Variants in PPP6R2 observed in about 807,000 individuals in gnomAD.
PPP6R2 encodes the protein serine/threonine-protein phosphatase 6 regulatory subunit 2.
A neutral mutation model predicts 100.2 loss-of-function variants in PPP6R2; 62 were observed. The ratio of observed to expected loss-of-function variants is 0.62; its 90% CI spans 0.50 to 0.76. PPP6R2 has a LOEUF of 0.76. PPP6R2 is among the 30% of genes least tolerant of loss of function. The probability of loss-of-function intolerance (pLI) is 0.00; values close to 1 mark genes in which losing one functional copy is unlikely to be tolerated. For synonymous variants in PPP6R2, 525 were observed against 514.7 expected, an observed-to-expected ratio of 1.02 and a Z score of -0.27; for missense variants, 1,142 against 1,276.3, an observed-to-expected ratio of 0.89 and a Z score of 1.60.
In PPP6R2 at chr22:50,343,386, G is replaced by T. The variant is rs2042642766; in HGVS notation, c.-312G>T. ...GGCCCCGAGTCGGTCTCGAGCCGCC[G>T]GCCGGCCGTGCCGGTGTCCGTAGGC... On this transcript the variant is annotated 5_prime_UTR_variant, in exon 1 of 24. Transcript: ENST00000612753. 3.3e-5 allele frequency: 5 copies of T among 150,812 alleles called. No homozygotes were observed. The highest frequency in any genetic ancestry group is 2.6e-4 in the Admixed American group (4 of 15,172). 9.3% of individuals were successfully genotyped at this position (150,812 alleles called of 1,614,324 possible).
At chr22:50,401,882 C>T (rs556344680) in intron 3 of PPP6R2, among the ~76,000 whole-genome samples, 94 of 152,254 alleles carry the variant, frequency 6.2e-4, no homozygotes, top group African/African-American at 2.2e-3. Context: ...GATCCGCCCG[C>T]CTTGTTCTCC....
Position 50,406,898 on chromosome 22 carries a change from G to A in PPP6R2, c.414+23G>A, listed in dbSNP as rs764033296. On this transcript the variant is annotated intron_variant, in intron 4 of 23. Transcript: ENST00000612753. ...CAGGTAAATCACGTGCAAAGCCTCC[G>A]TGACTTGGGGCACCGTCATGGTGGA... 20 of 1,599,042 alleles carry A rather than the reference G, an allele frequency of 1.3e-5. 1 individual carries two copies. The East Asian group carries it at 1.8e-4, about 14-fold the overall frequency.
At chr22:50,369,314 TTTGAG>T (rs1455167142) in intron 1 of PPP6R2, among the ~76,000 whole-genome samples, 1 of 152,164 alleles carries the variant, frequency 6.6e-6, no homozygotes, top group Non-Finnish European at 1.5e-5. Context: ...GAAAGCCTAT[TTTGAG>T]TTATTTAGCT....
intron 2 of PPP6R2, among the ~76,000 whole-genome samples, chr22:50,391,670 G>A (rs899969816): frequency 6.0e-5 from 9 of 150,212 alleles, no homozygotes; most frequent in Admixed American, 2.7e-4. Context: ...TGCATTTATT[G>A]AAATGGTTGA....
intron 1 of PPP6R2, among the ~76,000 whole-genome samples, chr22:50,370,413 G>C (rs955182323): frequency 1.3e-5 from 2 of 151,520 alleles, no homozygotes; most frequent in South Asian, 4.2e-4. Flanking sequence ...TCAGCCTCCC[G>C]AGGAGATGGG....
chr22:50,393,734 T>C (rs2056140585), intron 2 of PPP6R2, 159 bp from the exon 3 acceptor site: 1 of 985,174 alleles, frequency 1.0e-6, no homozygotes. Flanking sequence ...GGGAATCTTG[T>C]GTGTTCATGC....
At chr22:50,367,287 G>T (rs2048960786) in intron 1 of PPP6R2, among the ~76,000 whole-genome samples, 1 of 152,254 alleles carries the variant, frequency 6.6e-6, no homozygotes, top group South Asian at 2.1e-4. Context: ...GATGATGGGA[G>T]TAGGGCTTGG....
intron 8 of PPP6R2, among the ~76,000 whole-genome samples, chr22:50,421,076 AG>A (rs2061267726): frequency 6.6e-6 from 1 of 152,094 alleles, no homozygotes. Context: ...TGAGGTTGTT[AG>A]GACTCTCTTT....
chr22:50,444,043 C>G lies in PPP6R2; in HGVS notation c.2757C>G (p.Val919=). The G allele has an allele frequency of 6.2e-7, 1 of 1,612,980 alleles. No individual in the cohort carries two copies. Among genetic ancestry groups the G allele is most frequent in the Non-Finnish European group, 8.5e-7 (1 of 1,179,712 alleles). ...TCTCTTCTGCACTGGCCGTGGCGGT[C>G]CCCCTAGGGCCCATCATGGCAGTCA... is the stretch of plus-strand genomic sequence containing the variant. ...PAVSSALAVA[V]PLGPIMAVTA... Residue 919 remains valine, a synonymous_variant, in exon 23 of 24, where the codon GTC becomes GTG. Coordinates refer to ENST00000612753, the MANE Select transcript of PPP6R2 (RefSeq NM_001242898.2).
rs917539200 is a variant in PPP6R2 at position 50,431,323 on chromosome 22, C to T, written c.1276C>T (p.Arg426Trp). 24 of 1,613,044 alleles carry T rather than the reference C, an allele frequency of 1.5e-5. No homozygotes were observed. The highest frequency in any genetic ancestry group is 1.6e-4 in the Middle Eastern group (1 of 6,070). The change falls in exon 11 of 24, where the codon CGG becomes TGG. Residue 426 changes from arginine (R) to tryptophan (W), a missense_variant. Around this residue, in one of 2 missense-constraint regions of PPP6R2, gnomAD observed 592 missense variants for 758.9 expected, o/e 0.78. Coordinates refer to ENST00000612753, the MANE Select transcript of PPP6R2 (RefSeq NM_001242898.2). The surrounding 1 kb of genome is among the most constrained non-coding windows in gnomAD (Gnocchi z 4.8). ...RVEPPHENGN[R>W]SLETPQPAAS... Reference sequence around the variant, plus strand: ...GGAGCCTCCGCATGAGAACGGGAACCGGAGCCTGGAGACTCCCCAGCCGGC... The same window carrying T: ...GGAGCCTCCGCATGAGAACGGGAACTGGAGCCTGGAGACTCCCCAGCCGGC...
intron 8 of PPP6R2, 139 bp from the exon 9 acceptor site, chr22:50,422,114 TG>T: frequency 1.9e-6 from 2 of 1,046,420 alleles, no homozygotes; most frequent in Non-Finnish European, 2.7e-6. Context: ...GTGGAGACGC[TG>T]GGTAGCTGCA....
At chr22:50,342,723 C>T (rs962351350), upstream of PPP6R2, among the ~76,000 whole-genome samples, 6 of 152,256 alleles carry the variant, frequency 3.9e-5, no homozygotes, top group Admixed American at 1.3e-4. Context: ...TTAAACAATT[C>T]CAGCACTTGT....
chr22:50,439,909 C>T lies in PPP6R2; in HGVS notation c.2285+52C>T, dbSNP rs765466176. On this transcript the variant is annotated intron_variant, in intron 20 of 23. Coordinates refer to ENST00000612753, the MANE Select transcript of PPP6R2 (RefSeq NM_001242898.2). Reference sequence around the variant, plus strand: ...CTGTGCCAGGAAGTGCCTGTCAGGGCCAGGAGGCACCTGTCCCCCAGGACT... The same window carrying T: ...CTGTGCCAGGAAGTGCCTGTCAGGGTCAGGAGGCACCTGTCCCCCAGGACT... 27 of 1,606,942 alleles carry T rather than the reference C, an allele frequency of 1.7e-5. No individual in the cohort carries two copies. In the South Asian group the frequency reaches 2.5e-4, roughly 15 times the overall value.
chr22:50,431,385 G>T lies in PPP6R2; in HGVS notation c.1335+3G>T, dbSNP rs1246634314. On this transcript the variant is annotated splice_donor_region_variant and intron_variant, in intron 11 of 23. Coordinates refer to ENST00000612753, the MANE Select transcript of PPP6R2 (RefSeq NM_001242898.2). This position sits in a 1 kb window ranked among gnomAD's most constrained non-coding sequence, Gnocchi z 4.8. ...CTGACAACACAATGGTGACCCACGT[G>T]AGTCCAAGAAGCATCCATCTTATCA... 2 of 1,611,046 alleles carry T rather than the reference G, an allele frequency of 1.2e-6. No individual in the cohort carries two copies. Among genetic ancestry groups the T allele is most frequent in the Admixed American group, 3.3e-5 (2 of 59,936 alleles).
chr22:50,388,228 C>CA (rs1376271750), intron 2 of PPP6R2, among the ~76,000 whole-genome samples: 2 of 150,888 alleles, frequency 1.3e-5, no homozygotes, highest in Non-Finnish European at 3.0e-5. Context: ...CTTGTCTCTA[C>CA]AAAAAAAGTA....
chr22:50,358,990 GCCCCC>G (rs56089347), intron 1 of PPP6R2, among the ~76,000 whole-genome samples: 17,585 of 42,882 alleles, frequency 0.41, 4,020 homozygotes, highest in Middle Eastern at 0.6. Context: ...TAAAAGAACC[GCCCCC>G]CCCCCCCCCC....
At chr22:50,353,068 A>G (rs1308978599) in intron 1 of PPP6R2, among the ~76,000 whole-genome samples, 2 of 152,200 alleles carry the variant, frequency 1.3e-5, no homozygotes, top group Non-Finnish European at 2.9e-5. Context: ...GCCTCCAAAC[A>G]GAAAGCAGCC....
intron 1 of PPP6R2, among the ~76,000 whole-genome samples, chr22:50,349,157 T>C (rs1385991612): frequency 6.9e-6 from 1 of 145,060 alleles, no homozygotes; most frequent in East Asian, 2.1e-4. Flanking sequence ...ATTGTGCCAT[T>C]GCACTCTAGC....
chr22:50,429,546 T>C (rs2062774478), intron 10 of PPP6R2, among the ~76,000 whole-genome samples: 1 of 152,252 alleles, frequency 6.6e-6, no homozygotes, highest in African/African-American at 2.4e-5. Flanking sequence ...ATAAGGAACA[T>C]TGGTTTGTAG....
Sources: gnomAD v4.1 joint callset for allele counts (sites outside exome capture counted in the v4.1 genomes callset) on GRCh38, gnomAD v4.1.1 for gene constraint, gnomAD v4.1.1 regional missense constraint, Gnocchi (gnomAD v3.1) non-coding constraint, MANE v1.5 for transcripts, NCBI Gene and HGNC (gene_info 2026-07-23, HGNC 2026-07-21) for gene names.